Variants in FAM81A observed in about 807,000 individuals in gnomAD.
FAM81A encodes protein FAM81A.
A neutral mutation model predicts 46.7 loss-of-function variants in FAM81A; 19 were observed. The ratio of observed to expected loss-of-function variants is 0.41; its 90% CI spans 0.28 to 0.60. The LOEUF is 0.60. Ranked by LOEUF, FAM81A falls within the 20% of genes least tolerant of loss-of-function variation. The probability of loss-of-function intolerance (pLI) is 0.34; values close to 1 mark genes in which losing one functional copy is unlikely to be tolerated. For synonymous variants in FAM81A, 183 were observed against 152.9 expected, an observed-to-expected ratio of 1.20 and a Z score of -1.45; for missense variants, 377 against 453.5, an observed-to-expected ratio of 0.83 and a Z score of 1.53.
At chr15:59,428,163 A>G (rs1402647824) in intron 2 of FAM81A, among the ~76,000 whole-genome samples, 1 of 152,180 alleles carries the variant, frequency 6.6e-6, no homozygotes, top group Non-Finnish European at 1.5e-5. Flanking sequence ...AGTGATGTTG[A>G]GCACCTTTTC....
chr15:59,403,283 C>T (rs4775163), intron 2 of FAM81A, among the ~76,000 whole-genome samples: 63,027 of 151,720 alleles, frequency 0.42, 14,579 homozygotes, highest in Admixed American at 0.51. Flanking sequence ...TTTGGAGATC[C>T]GGCATTTAAA....
chr15:59,421,786 TCTATCTAC>T lies in FAM81A; in HGVS notation c.-78+19432_-78+19439del, dbSNP rs1567039171. Reference sequence around the variant, plus strand: ...ATCTATCTATCTATCTATCTATCTATCTATCTACCTACCTAACTACCTACCAAAAAAGC... The same window carrying T: ...ATCTATCTATCTATCTATCTATCTATCTACCTAACTACCTACCAAAAAAGC... On this transcript the variant is annotated intron_variant, in intron 2 of 4. Coordinates refer to the FAM81A transcript ENST00000558348. Among the ~76,000 whole-genome samples the T allele has an allele frequency of 9.3e-3, 1,340 of 143,380 alleles. 15 individuals carry two copies. Among genetic ancestry groups the T allele is most frequent in the African/African-American group, 0.032 (1,213 of 37,682 alleles). The allele number at this position is 143,380 out of a possible 152,430, so 94.1% of individuals were successfully genotyped here. A position where few individuals can be genotyped will look rare whatever the true frequency, so the allele number is the denominator to read the frequency against.
intron 1 of FAM81A, among the ~76,000 whole-genome samples, chr15:59,399,627 C>A (rs538009767): frequency 1.3e-5 from 2 of 152,110 alleles, no homozygotes. Flanking sequence ...TGTGAGGCCA[C>A]AAGAATGAAG....
intron 4 of FAM81A, among the ~76,000 whole-genome samples, chr15:59,502,723 T>C (rs1168610061): frequency 2.6e-5 from 4 of 151,926 alleles, no homozygotes; most frequent in African/African-American, 4.8e-5. Flanking sequence ...GGTTTTACCA[T>C]GTAGGCCAGG....
chr15:59,461,910 T>A (rs1465020084), intron 3 of FAM81A, among the ~76,000 whole-genome samples: 1 of 152,130 alleles, frequency 6.6e-6, no homozygotes, highest in African/African-American at 2.4e-5. Flanking sequence ...TTTAACTTTT[T>A]AAAACATAGC....
chr15:59,403,052 T>TG (rs1393051263), intron 2 of FAM81A, among the ~76,000 whole-genome samples: 1 of 152,000 alleles, frequency 6.6e-6, no homozygotes, highest in African/African-American at 2.4e-5. Flanking sequence ...AGGTTCTAGT[T>TG]CATTTAGTTC....
intron 1 of FAM81A, among the ~76,000 whole-genome samples, chr15:59,440,567 A>C (rs1262830291): frequency 5.3e-5 from 8 of 152,226 alleles, no homozygotes; most frequent in Non-Finnish European, 1.2e-4. Context: ...CATCTATCCC[A>C]GTAGCCTCAG....
chr15:59,514,464 C>A (rs765709276), intron 7 of FAM81A, 40 bp downstream of exon 7: 3 of 1,601,352 alleles, frequency 1.9e-6, no homozygotes, highest in East Asian at 4.5e-5. Flanking sequence ...TAAAGTTATT[C>A]AGTGGGGGCC....
chr15:59,422,282 T>C (rs1218980118), intron 2 of FAM81A, among the ~76,000 whole-genome samples: 1 of 152,006 alleles, frequency 6.6e-6, no homozygotes, highest in African/African-American at 2.4e-5. Context: ...CAGCTTGTAG[T>C]ATCCCTGAGA....
chr15:59,487,537 A>C (rs1182326609), intron 3 of FAM81A, among the ~76,000 whole-genome samples: 3 of 151,924 alleles, frequency 2.0e-5, no homozygotes, highest in Non-Finnish European at 4.4e-5. Context: ...AACAGAAAAG[A>C]CCCAACTAAA....
At position 59,425,862 on chromosome 15, in the gene FAM81A, C is replaced by T. The variant is rs144785823; in HGVS notation, c.-78+23504C>T. 2.3e-3 allele frequency among the ~76,000 whole-genome samples: 345 copies of T among 152,278 alleles called. 7 individuals are homozygous for T. In the East Asian group the frequency reaches 0.035, roughly 16 times the overall value. On this transcript the variant is annotated intron_variant, in intron 2 of 4. Transcript: ENST00000558348. ...CTTGTCTTGAACTCCTGGCCTCAGG[C>T]GATCCTCCTGTCTTGGCCTCCTATT...
chr15:59,413,740 T>C (rs1160062292), intron 2 of FAM81A, among the ~76,000 whole-genome samples: 3 of 152,066 alleles, frequency 2.0e-5, no homozygotes, highest in African/African-American at 7.2e-5. Flanking sequence ...GGCAGCATAG[T>C]GAGACCCCTG....
intron 3 of FAM81A, among the ~76,000 whole-genome samples, chr15:59,487,969 C>A (rs986428763): frequency 5.3e-5 from 8 of 151,450 alleles, no homozygotes; most frequent in Non-Finnish European, 1.2e-4. Context: ...AACAAAAAAA[C>A]AAAAAACCTA....
At chr15:59,399,331 C>T (rs1344358812) in intron 1 of FAM81A, among the ~76,000 whole-genome samples, 1 of 152,158 alleles carries the variant, frequency 6.6e-6, no homozygotes, top group Non-Finnish European at 1.5e-5. Context: ...CAAATGGTCT[C>T]ATCCAGCTGC....
intron 4 of FAM81A, among the ~76,000 whole-genome samples, chr15:59,501,580 A>G (rs1169791514): frequency 6.6e-6 from 1 of 152,192 alleles, no homozygotes; most frequent in African/African-American, 2.4e-5. Flanking sequence ...CTACTATGTC[A>G]TATGCTGACA....
At chr15:59,476,025 T>G (rs777894415) in intron 3 of FAM81A, among the ~76,000 whole-genome samples, 5 of 152,196 alleles carry the variant, frequency 3.3e-5, no homozygotes, top group Non-Finnish European at 7.3e-5. Flanking sequence ...GTAGATCCAG[T>G]GTCTGGTGAG....
At chr15:59,436,791 T>C (rs1444164232), upstream of FAM81A, among the ~76,000 whole-genome samples, 1 of 152,104 alleles carries the variant, frequency 6.6e-6, no homozygotes, top group African/African-American at 2.4e-5. Context: ...TTTGCAGCAC[T>C]AAAGAGATGC....
chr15:59,494,701 C>A (rs1158566957), intron 4 of FAM81A, among the ~76,000 whole-genome samples: 6 of 152,024 alleles, frequency 3.9e-5, no homozygotes, highest in African/African-American at 1.2e-4. Context: ...AATAAAAATT[C>A]TTTGGAAAAG....
chr15:59,518,140 T>TC (rs2082286771), intron 8 of FAM81A, among the ~76,000 whole-genome samples: 1 of 107,860 alleles, frequency 9.3e-6, no homozygotes, highest in Non-Finnish European at 1.9e-5. Flanking sequence ...GGCCGGCTAA[T>TC]TTTTTTTTTT....
Sources: gnomAD v4.1 joint callset for allele counts (sites outside exome capture counted in the v4.1 genomes callset) on GRCh38, gnomAD v4.1.1 for gene constraint, MANE v1.5 for transcripts, NCBI Gene and HGNC (gene_info 2026-07-23, HGNC 2026-07-21) for gene names.